The following CHIC1 variants were observed in gnomAD, a reference collection of about 807,000 sequenced individuals.
CHIC1 encodes the protein cysteine-rich hydrophobic domain-containing protein 1.
In CHIC1, 7 loss-of-function variants were observed where a neutral mutation model predicts 18.5. That is an observed-to-expected ratio of 0.38 (90% CI 0.22 to 0.71). The LOEUF (loss-of-function observed/expected upper bound fraction) is 0.71. Ranked by LOEUF, CHIC1 falls within the 30% of genes least tolerant of loss-of-function variation. The pLI, the probability that CHIC1 is intolerant of heterozygous loss-of-function variation, is 0.49. For synonymous variants in CHIC1, 77 were observed against 73.5 expected (o/e 1.05, Z -0.25); for missense variants, 159 against 176.9 (o/e 0.90, Z 0.57).
At chrX:73,677,533 C>T (rs957609464) in intron 3 of CHIC1, among the ~76,000 whole-genome samples, 14 of 112,277 alleles carry the variant, frequency 1.2e-4, no homozygotes, top group African/African-American at 2.6e-4. Context: ...TAGGACCCTC[C>T]GAGCCAGGTG....
intron 3 of CHIC1, 54 bp from the exon 4 acceptor site, chrX:73,679,272 G>A: frequency 2.5e-6 from 2 of 789,412 alleles, no homozygotes; most frequent in Non-Finnish European, 3.8e-6. Flanking sequence ...GATGCACATA[G>A]TTTACAAAGC....
chrX:73,671,141 C>A (rs1400446900), intron 3 of CHIC1, among the ~76,000 whole-genome samples: 4 of 111,760 alleles, frequency 3.6e-5, no homozygotes, highest in Non-Finnish European at 7.5e-5. Context: ...TCCTGGCCTG[C>A]AAGGTTTCTG....
At position 73,656,937 on chromosome X, in the gene CHIC1, G is replaced by A. The variant is rs193123600; in HGVS notation, c.508-22389G>A. Among the ~76,000 whole-genome samples the A allele has an allele frequency of 6.3e-5, 7 of 111,401 alleles. No homozygotes were observed. The East Asian group carries it at 2.0e-3, about 31-fold the overall frequency. ...ATTGATTCTTCCTATCCGTGAGCCT[G>A]GAATTTTTTCCACTTGTTTGTGTCA... On this transcript the variant is annotated intron_variant, in intron 3 of 5. Coordinates refer to ENST00000373502, the MANE Select transcript of CHIC1 (RefSeq NM_001039840.4).
chrX:73,631,705 T>C (rs1344616903), intron 3 of CHIC1, among the ~76,000 whole-genome samples: 1 of 112,186 alleles, frequency 8.9e-6, no homozygotes, highest in Non-Finnish European at 1.9e-5. Context: ...GAACTGCTTT[T>C]GTTGCATCTC....
In CHIC1 at chrX:73,607,777, C is replaced by A. The variant is rs746877597; in HGVS notation, c.507+23205C>A. Among the ~76,000 whole-genome samples, 98 of 107,693 alleles carry A rather than the reference C, an allele frequency of 9.1e-4. 1 individual carries two copies. Among genetic ancestry groups the A allele is most frequent in the South Asian group, 1.6e-3 (4 of 2,545 alleles). 93.5% of individuals were successfully genotyped at this position (107,693 alleles called of 115,157 possible). ...GACCCCTTGTGCTTCCCAGGTGAGG[C>A]GACACCCCACCCTGCTTCTGCTCGC... On this transcript the variant is annotated intron_variant, in intron 3 of 5. Coordinates refer to ENST00000373502, the MANE Select transcript of CHIC1 (RefSeq NM_001039840.4).
At position 73,674,777 on chromosome X, in the gene CHIC1, C is replaced by A. The variant is rs751534987; in HGVS notation, c.508-4549C>A. Among the ~76,000 whole-genome samples the A allele has an allele frequency of 6.1e-4, 67 of 109,975 alleles. No homozygotes were observed. In the East Asian group the frequency reaches 0.016, roughly 26 times the overall value. Reference sequence around the variant, plus strand: ...TTATTTATTTCTTGCCTTCTGCTAGCTTTTGAATGTGTTTGCTCTTGCTTT... The same window carrying A: ...TTATTTATTTCTTGCCTTCTGCTAGATTTTGAATGTGTTTGCTCTTGCTTT... On this transcript the variant is annotated intron_variant, in intron 3 of 5. Coordinates refer to ENST00000373502, the MANE Select transcript of CHIC1 (RefSeq NM_001039840.4).
At chrX:73,642,962 C>T (rs1221787877) in intron 3 of CHIC1, among the ~76,000 whole-genome samples, 3 of 111,265 alleles carry the variant, frequency 2.7e-5, no homozygotes, top group African/African-American at 9.8e-5. Context: ...CGTGATGCCT[C>T]CAGCTTTGTT....
chrX:73,611,782 A>AT (rs1357387001), intron 3 of CHIC1, among the ~76,000 whole-genome samples: 3 of 107,750 alleles, frequency 2.8e-5, no homozygotes, highest in Non-Finnish European at 5.7e-5. Context: ...GATGATGAGC[A>AT]TTTTTTCATG....
intron 1 of CHIC1, among the ~76,000 whole-genome samples, chrX:73,565,274 C>T (rs2057440125): frequency 9.0e-6 from 1 of 111,696 alleles, no homozygotes. Flanking sequence ...CTCCAACATT[C>T]CACCTCCACA....
intron 4 of CHIC1, 129 bp downstream of exon 4, chrX:73,679,511 T>C (rs2058087008): frequency 1.8e-6 from 1 of 558,224 alleles, no homozygotes; most frequent in South Asian, 3.6e-5. Context: ...ATTTTTAATA[T>C]ATATTCTTTA....
chrX:73,665,284 T>C (rs2057999052), intron 3 of CHIC1, among the ~76,000 whole-genome samples: 1 of 111,103 alleles, frequency 9.0e-6, no homozygotes, highest in South Asian at 3.9e-4. Context: ...TTTTAGGCTC[T>C]TCTGTGTATA....
At position 73,628,101 on chromosome X, in the gene CHIC1, G is replaced by A. The variant is rs1327748243; in HGVS notation, c.507+43529G>A. On this transcript the variant is annotated intron_variant, in intron 3 of 5. Coordinates refer to ENST00000373502, the MANE Select transcript of CHIC1 (RefSeq NM_001039840.4). ...TAGAAATGTCTAGGAGCTAGGTCCT[G>A]GAACGGGAGCCTCACAACTGTCTGG... Among the ~76,000 whole-genome samples, 8 of 111,746 alleles carry A rather than the reference G, an allele frequency of 7.2e-5. No homozygotes were observed. The East Asian group carries it at 1.7e-3, about 24-fold the overall frequency.
chrX:73,679,461 T>C (rs1342927070), intron 4 of CHIC1, 79 bp downstream of exon 4: 1 of 716,607 alleles, frequency 1.4e-6, no homozygotes, highest in Non-Finnish European at 2.1e-6. Context: ...AAATGGGAAT[T>C]TTTAGGCCAC....
At chrX:73,677,642 C>T (rs2058074415) in intron 3 of CHIC1, among the ~76,000 whole-genome samples, 1 of 112,210 alleles carries the variant, frequency 8.9e-6, no homozygotes, top group African/African-American at 3.2e-5. Flanking sequence ...TCTGTCACCC[C>T]TTTCTTTGAC....
rs1212913683 is a variant in CHIC1 at position 73,574,788 on chromosome X, G to A, written c.297-2619G>A. ...TTGTAATGTCATCTTTGTCATTTCT[G>A]ATTGCACTTATTTGGATCTTCTCTT... On this transcript the variant is annotated intron_variant, in intron 1 of 5. Transcript: ENST00000373502. 2.7e-5 allele frequency among the ~76,000 whole-genome samples: 3 copies of A among 110,346 alleles called. No individual in the cohort carries two copies. In the Admixed American group the frequency reaches 2.9e-4, roughly 11 times the overall value.
chrX:73,604,666 A>G (rs1310175904), intron 3 of CHIC1, among the ~76,000 whole-genome samples: 3 of 108,655 alleles, frequency 2.8e-5, no homozygotes, highest in African/African-American at 1.1e-4. Context: ...TCCTCTAAAC[A>G]CTGCTTTAGT....
intron 1 of CHIC1, among the ~76,000 whole-genome samples, chrX:73,569,348 A>G (rs1041978349): frequency 2.7e-5 from 3 of 111,792 alleles, no homozygotes; most frequent in Admixed American, 1.9e-4. Context: ...AACTAAGAGT[A>G]TAGATCCTTT....
chrX:73,673,655 C>T (rs776283995), intron 3 of CHIC1, among the ~76,000 whole-genome samples: 11 of 111,750 alleles, frequency 9.8e-5, no homozygotes, highest in African/African-American at 2.0e-4. Context: ...TGGGCTGAGA[C>T]GATGTGGTTT....
chrX:73,653,004 TAAAG>T (rs780165550), intron 3 of CHIC1, among the ~76,000 whole-genome samples: 57 of 111,689 alleles, frequency 5.1e-4, no homozygotes, highest in African/African-American at 1.8e-3. Context: ...TTAAACTAGA[TAAAG>T]AAAATGTGGT....
Sources: gnomAD v4.1 joint callset for allele counts (sites outside exome capture counted in the v4.1 genomes callset) on GRCh38, gnomAD v4.1.1 for gene constraint, MANE v1.5 for transcripts, NCBI Gene and HGNC (gene_info 2026-07-23, HGNC 2026-07-21) for gene names.